The following ETNK1 variants were observed in gnomAD, a reference collection of about 807,000 sequenced individuals.
The protein encoded by ETNK1 is putative protein product of Nbla10396.
Under a neutral mutation model 45.1 loss-of-function variants are expected in ETNK1, and 8 were observed. The ratio of observed to expected loss-of-function variants is 0.18; its 90% CI spans 0.10 to 0.32. ETNK1 has a LOEUF of 0.32. ETNK1 is among the 10% of genes least tolerant of loss of function. The pLI is 1.00. For synonymous variants in ETNK1, 152 were observed against 151.9 expected (o/e 1.00, Z -0.01); for missense variants, 302 against 430.6 (o/e 0.70, Z 2.64).
intron 6 of ETNK1, among the ~76,000 whole-genome samples, chr12:22,679,145 C>T (rs1381010622): frequency 6.6e-6 from 1 of 152,180 alleles, no homozygotes; most frequent in Non-Finnish European, 1.5e-5. Flanking sequence ...CGTCTGCACG[C>T]TGAGGAAGAA....
At position 22,685,832 on chromosome 12, in the gene ETNK1, T is replaced by G. The variant is rs984978454; in HGVS notation, c.*878T>G. 1 of 151,872 alleles carries G rather than the reference T, an allele frequency of 6.6e-6. No individual in the cohort carries two copies. The highest frequency in any genetic ancestry group is 2.4e-5 in the African/African-American group (1 of 41,436). The allele number at this position is 151,872 out of a possible 1,614,324, so 9.4% of individuals were successfully genotyped here. A position where few individuals can be genotyped will look rare whatever the true frequency, so the allele number is the denominator to read the frequency against. ...TTGATTATTAAATAGTCACTAGTAT[T>G]GCTAATTTTTGAAACAAATACACAA... On this transcript the variant is annotated 3_prime_UTR_variant, in exon 8 of 8. Coordinates refer to ENST00000266517, the MANE Select transcript of ETNK1 (RefSeq NM_018638.5).
intron 1 of ETNK1, among the ~76,000 whole-genome samples, chr12:22,627,742 G>A (rs1287334057): frequency 6.6e-6 from 1 of 152,040 alleles, no homozygotes; most frequent in African/African-American, 2.4e-5. Context: ...TATCAGTAAT[G>A]TAGCCTGTTT....
rs760439425 is a variant in ETNK1 at position 22,673,482 on chromosome 12, GT to G, written c.785-10del. ...TTATGTTTTAAAATTTTTGAGTGTAGTTTTTTTTCTTCTAAAGGTGTGAGTG... is the reference window on the plus strand; with the variant it reads ...TTATGTTTTAAAATTTTTGAGTGTAGTTTTTTTCTTCTAAAGGTGTGAGTG... On this transcript the variant is annotated splice_polypyrimidine_tract_variant and intron_variant, in intron 5 of 7. Coordinates refer to ENST00000266517, the MANE Select transcript of ETNK1 (RefSeq NM_018638.5). The G allele has an allele frequency of 3.9e-5, 60 of 1,541,452 alleles. No homozygotes were observed. Among genetic ancestry groups the G allele is most frequent in the Middle Eastern group, 3.5e-4 (2 of 5,770 alleles).
chr12:22,646,264 C>A (rs556411297), intron 2 of ETNK1, among the ~76,000 whole-genome samples: 42 of 151,806 alleles, frequency 2.8e-4, no homozygotes, highest in African/African-American at 9.9e-4. Context: ...GAGGGAAAGG[C>A]AAGTTTTGAT....
chr12:22,683,813 A>G (rs987428090), intron 6 of ETNK1, among the ~76,000 whole-genome samples: 1 of 152,178 alleles, frequency 6.6e-6, no homozygotes. Context: ...TAGTTAGAAT[A>G]TAGTATTTCT....
intron 2 of ETNK1, chr12:22,656,901 C>T (rs1953949268): frequency 1.4e-6 from 1 of 731,922 alleles, no homozygotes; most frequent in South Asian, 6.1e-5. Flanking sequence ...CATAGATTGC[C>T]CCTTGTGTTT....
rs1479561140 is a variant in ETNK1 at position 22,687,059 on chromosome 12, G to A, written c.*2105G>A. The A allele has an allele frequency of 6.6e-6, 1 of 151,492 alleles. No individual in the cohort carries two copies. The highest frequency in any genetic ancestry group is 1.5e-5 in the Non-Finnish European group (1 of 67,658). The allele number at this position is 151,492 out of a possible 1,614,324, so 9.4% of individuals were successfully genotyped here. A position where few individuals can be genotyped will look rare whatever the true frequency, so the allele number is the denominator to read the frequency against. On this transcript the variant is annotated 3_prime_UTR_variant, in exon 8 of 8. Coordinates refer to ENST00000266517, the MANE Select transcript of ETNK1 (RefSeq NM_018638.5). The stretch of plus-strand genomic sequence containing the variant: ...GTCACACTATTGTAGGTTTTTTGGA[G>A]AGATTCATAGGGAAGTGAATGTAAC...
At chr12:22,673,731 C>T (rs960213947) in intron 6 of ETNK1, 71 bp downstream of exon 6, 2 of 1,401,902 alleles carry the variant, frequency 1.4e-6, no homozygotes, top group Non-Finnish European at 1.9e-6. Context: ...TTTTCGTCAT[C>T]TTAGACAATT....
At chr12:22,660,791 C>T (rs1417683044) in intron 3 of ETNK1, among the ~76,000 whole-genome samples, 1 of 151,862 alleles carries the variant, frequency 6.6e-6, no homozygotes, top group Non-Finnish European at 1.5e-5. Context: ...TTAACTATTA[C>T]CTATATATAT....
intron 1 of ETNK1, among the ~76,000 whole-genome samples, chr12:22,641,793 A>G (rs1953741196): frequency 1.3e-5 from 2 of 152,194 alleles, no homozygotes; most frequent in Admixed American, 6.5e-5. Context: ...TTATTCACAT[A>G]TCTTTTTATT....
rs768216523 is a variant in ETNK1, at chr12:22,659,036, A to G, written c.439A>G (p.Lys147Glu). 1.2e-6 allele frequency: 2 copies of G among 1,613,606 alleles called. No homozygotes were observed. Among genetic ancestry groups the G allele is most frequent in the Non-Finnish European group, 1.7e-6 (2 of 1,179,840 alleles). The part of the protein sequence containing the change: ...IFRLIARQLA[K>E]IHAIHAHNGW... ...CAGGCTAATAGCTCGTCAGCTTGCT[A>G]AAATCCATGCTATTCATGCACACAA... Residue 147 changes from lysine to glutamate, a missense_variant, in exon 3 of 8, where the codon AAA becomes GAA. Lys to Glu is a moderately conservative substitution (Grantham distance 56). This residue lies in a region of ETNK1 where 205 missense variants were observed against 259.9 expected (regional missense o/e 0.79). Transcript: ENST00000266517.
At chr12:22,664,606 G>A (rs1954036487) in intron 4 of ETNK1, among the ~76,000 whole-genome samples, 1 of 151,998 alleles carries the variant, frequency 6.6e-6, no homozygotes, top group Non-Finnish European at 1.5e-5. Context: ...AACACTTATG[G>A]CAGCAATTTT....
intron 2 of ETNK1, chr12:22,656,661 A>G (rs977649705): frequency 1.0e-6 from 1 of 985,264 alleles, no homozygotes; most frequent in African/African-American, 1.7e-5. Flanking sequence ...GAGTTCTGAC[A>G]GTTCCAGCAC....
At chr12:22,659,431 A>G (rs956928601) in intron 3 of ETNK1, among the ~76,000 whole-genome samples, 1 of 152,112 alleles carries the variant, frequency 6.6e-6, no homozygotes, top group African/African-American at 2.4e-5. Context: ...TTAGGTGGTA[A>G]TGGTGAAGCA....
chr12:22,681,471 C>T (rs1016538760), intron 6 of ETNK1, among the ~76,000 whole-genome samples: 7 of 151,850 alleles, frequency 4.6e-5, no homozygotes, highest in African/African-American at 7.3e-5. Context: ...TTTATATCAG[C>T]GTAAAATATG....
chr12:22,659,751 A>T (rs185592111), intron 3 of ETNK1, among the ~76,000 whole-genome samples: 129 of 152,228 alleles, frequency 8.5e-4, no homozygotes, highest in Admixed American at 1.8e-3. Flanking sequence ...TTTAAAAATT[A>T]CTATTGTTAT....
At chr12:22,640,887 C>T (rs1953727405) in intron 1 of ETNK1, among the ~76,000 whole-genome samples, 1 of 152,006 alleles carries the variant, frequency 6.6e-6, no homozygotes. Context: ...AAGGAGCTCA[C>T]TAAGATTTAT....
At chr12:22,651,682 CTTTTTTTT>C (rs35611431) in intron 2 of ETNK1, among the ~76,000 whole-genome samples, 1 of 131,050 alleles carries the variant, frequency 7.6e-6, no homozygotes, top group Non-Finnish European at 1.6e-5. Context: ...AATTCTATCC[CTTTTTTTT>C]TTTTTTTTTT....
chr12:22,661,181 AATAT>A lies in ETNK1; in HGVS notation c.678_681del (p.Asn226LysfsTer37). 6.2e-7 allele frequency: 1 copy of A among 1,606,128 alleles called. No homozygotes were observed. Among genetic ancestry groups the A allele is most frequent in the Non-Finnish European group, 8.5e-7 (1 of 1,178,208 alleles). On this transcript the variant is annotated frameshift_variant, in exon 4 of 8. Transcript: ENST00000266517. LOFTEE classifies it high-confidence loss of function. The stretch of plus-strand genomic sequence containing the variant: ...TTGCCATAATGACCTATTGTGTAAG[AATAT>A]AATCTACAATGAGAAACAAGGTAGG...
Sources: gnomAD v4.1 joint callset for allele counts (sites outside exome capture counted in the v4.1 genomes callset) on GRCh38, gnomAD v4.1.1 for gene constraint, gnomAD v4.1.1 regional missense constraint, MANE v1.5 for transcripts, NCBI Gene and HGNC (gene_info 2026-07-23, HGNC 2026-07-21) for gene names.